Variants in POU2F1 observed in about 807,000 individuals in gnomAD.
The protein encoded by POU2F1 is POU class 2 homeobox 1.
In POU2F1, 16 loss-of-function variants were observed where a neutral mutation model predicts 84.9. That is an observed-to-expected ratio of 0.19 (90% confidence interval 0.13 to 0.29). POU2F1 has a LOEUF of 0.29. Among genes scored for constraint, POU2F1 ranks in the 10% least tolerant of loss-of-function variants. The pLI, the probability that POU2F1 is intolerant of heterozygous loss-of-function variation, is 1.00. For synonymous variants in POU2F1, 368 were observed against 368.3 expected (o/e 1.00, Z 0.01); for missense variants, 738 against 942.6 (o/e 0.78, Z 2.84).
intron 1 of POU2F1, among the ~76,000 whole-genome samples, chr1:167,300,398 A>G (rs1263000942): frequency 6.6e-6 from 1 of 152,230 alleles, no homozygotes; most frequent in African/African-American, 2.4e-5. Flanking sequence ...AAACCTACAT[A>G]TGTACCCTCT....
intron 1 of POU2F1, among the ~76,000 whole-genome samples, chr1:167,311,526 A>G (rs969020120): frequency 3.3e-5 from 5 of 152,196 alleles, no homozygotes; most frequent in African/African-American, 7.2e-5. Flanking sequence ...GTTTCAGTCA[A>G]TGATGGACAG....
At chr1:167,249,189 A>G (rs932519247) in intron 1 of POU2F1, among the ~76,000 whole-genome samples, 3 of 152,134 alleles carry the variant, frequency 2.0e-5, no homozygotes, top group African/African-American at 4.8e-5. Flanking sequence ...CTCATCTCCA[A>G]GCTTTCCCTA....
At chr1:167,279,204 T>C (rs528951044) in intron 1 of POU2F1, among the ~76,000 whole-genome samples, 3 of 152,334 alleles carry the variant, frequency 2.0e-5, no homozygotes, top group African/African-American at 7.2e-5. Context: ...ACTGATGAGA[T>C]ATAGCAAACG....
intron 1 of POU2F1, among the ~76,000 whole-genome samples, chr1:167,235,845 G>T (rs1306040156): frequency 6.6e-6 from 1 of 152,178 alleles, no homozygotes; most frequent in Non-Finnish European, 1.5e-5. Flanking sequence ...CCAAAGACTG[G>T]TTTGGTCTGT....
rs114337391 is a variant in POU2F1 at position 167,345,859 on chromosome 1, A to G, written c.127+13324A>G. Among the ~76,000 whole-genome samples, 708 of 135,116 alleles carry G rather than the reference A, an allele frequency of 5.2e-3. 4 individuals are homozygous for G. The highest frequency in any genetic ancestry group is 0.018 in the African/African-American group (672 of 36,470). The allele number at this position is 135,116 out of a possible 152,430, so 88.6% of individuals were successfully genotyped here. On this transcript the variant is annotated intron_variant, in intron 2 of 15. Coordinates refer to ENST00000367866, the MANE Select transcript of POU2F1 (RefSeq NM_002697.4). ...AGTCATAAGACACTTATTTTTCTAC[A>G]ATTAAGAATAAAGTTAAGAGCCTGG...
At chr1:167,322,909 G>A (rs190072357) in intron 1 of POU2F1, among the ~76,000 whole-genome samples, 137 of 152,332 alleles carry the variant, frequency 9.0e-4, no homozygotes, top group East Asian at 2.9e-3. Context: ...CACCTTAAGC[G>A]GTTTTCCACA....
chr1:167,375,392 A>G (rs1171087549), intron 6 of POU2F1, among the ~76,000 whole-genome samples: 2 of 152,244 alleles, frequency 1.3e-5, no homozygotes, highest in Non-Finnish European at 2.9e-5. Flanking sequence ...CTATATTAAC[A>G]TTAGTCTAAA....
chr1:167,305,446 C>T (rs113130478), intron 1 of POU2F1, among the ~76,000 whole-genome samples: 2 of 152,172 alleles, frequency 1.3e-5, no homozygotes, highest in African/African-American at 4.8e-5. Context: ...GCAATCTGCC[C>T]GCCTTGGCCT....
chr1:167,289,404 T>A (rs1023461968), intron 1 of POU2F1, among the ~76,000 whole-genome samples: 6 of 152,158 alleles, frequency 3.9e-5, no homozygotes, highest in African/African-American at 1.4e-4. Flanking sequence ...AGGGTTTAAA[T>A]TTAGGAGAAG....
chr1:167,392,509 G>A (rs1648495841), intron 9 of POU2F1, among the ~76,000 whole-genome samples: 1 of 152,180 alleles, frequency 6.6e-6, no homozygotes, highest in Non-Finnish European at 1.5e-5. Flanking sequence ...CTGAGAGATT[G>A]TTGCGTAAGT....
At chr1:167,267,394 G>GA (rs10718415) in intron 1 of POU2F1, among the ~76,000 whole-genome samples, 23,038 of 150,402 alleles carry the variant, frequency 0.15, 2,081 homozygotes, top group Non-Finnish European at 0.21. Context: ...TTACAATCAG[G>GA]AAAAAAAAAC....
chr1:167,368,704 T>C (rs758576847), intron 3 of POU2F1, among the ~76,000 whole-genome samples: 1 of 152,154 alleles, frequency 6.6e-6, no homozygotes, highest in African/African-American at 2.4e-5. Context: ...TACATATGTC[T>C]TCAGATTTTG....
intron 2 of POU2F1, among the ~76,000 whole-genome samples, chr1:167,335,380 A>G (rs1237386398): frequency 6.6e-6 from 1 of 152,214 alleles, no homozygotes. Flanking sequence ...GTATGTTTAT[A>G]GGTCAGGTGG....
chr1:167,268,038 T>G (rs973859730), intron 1 of POU2F1, among the ~76,000 whole-genome samples: 23 of 152,302 alleles, frequency 1.5e-4, no homozygotes, highest in Middle Eastern at 3.4e-3. Context: ...TTTTGTGGTG[T>G]TCTTCAGCGT....
intron 1 of POU2F1, among the ~76,000 whole-genome samples, chr1:167,224,981 A>G (rs1648519110): frequency 6.6e-6 from 1 of 152,002 alleles, no homozygotes; most frequent in African/African-American, 2.4e-5. Context: ...GGCATGCGCC[A>G]TGACGCCCGG....
intron 1 of POU2F1, among the ~76,000 whole-genome samples, chr1:167,280,137 T>C (rs1653018689): frequency 6.7e-6 from 1 of 148,656 alleles, no homozygotes; most frequent in South Asian, 2.1e-4. Context: ...GAGGTTGCAG[T>C]GAGCTGAGAT....
intron 1 of POU2F1, among the ~76,000 whole-genome samples, chr1:167,279,627 A>T (rs145249819): frequency 6.6e-6 from 1 of 152,094 alleles, no homozygotes; most frequent in African/African-American, 2.4e-5. Context: ...CTGAGGTAGG[A>T]GAATTGCTTG....
At chr1:167,263,788 T>G (rs1287963955) in intron 1 of POU2F1, among the ~76,000 whole-genome samples, 1 of 152,200 alleles carries the variant, frequency 6.6e-6, no homozygotes, top group African/African-American at 2.4e-5. Context: ...TTAAGACTCC[T>G]TGTGATTTCC....
intron 1 of POU2F1, among the ~76,000 whole-genome samples, chr1:167,270,765 T>C (rs1391472988): frequency 1.3e-5 from 2 of 152,192 alleles, no homozygotes; most frequent in East Asian, 3.8e-4. Context: ...AGTTTTAATA[T>C]GGGTGCATTT....
Sources: gnomAD v4.1 joint callset for allele counts (sites outside exome capture counted in the v4.1 genomes callset) on GRCh38, gnomAD v4.1.1 for gene constraint, MANE v1.5 for transcripts, NCBI Gene and HGNC (gene_info 2026-07-23, HGNC 2026-07-21) for gene names.